The following AUTS2 variants were observed in gnomAD, a reference collection of about 807,000 sequenced individuals.
The protein encoded by AUTS2 is autism susceptibility gene 2 protein.
AUTS2 carries 17 observed loss-of-function variants against 112.4 expected under a neutral mutation model. The observed-to-expected ratio is 0.15, with a 90% CI of 0.10 to 0.23. The LOEUF is 0.23. Ranked by LOEUF, AUTS2 falls within the 10% of genes least tolerant of loss-of-function variation. The pLI is 1.00. For synonymous variants in AUTS2, 751 were observed against 702.7 expected, an observed-to-expected ratio of 1.07 and a Z score of -1.09; for missense variants, 1,510 against 1,701.6, an observed-to-expected ratio of 0.89 and a Z score of 1.98.
chr7:70,156,393 T>TC (rs1807760136), intron 4 of AUTS2, among the ~76,000 whole-genome samples: 1 of 152,168 alleles, frequency 6.6e-6, no homozygotes, highest in Non-Finnish European at 1.5e-5. Context: ...AAGAGAGCTT[T>TC]TCTCTGGGCT....
intron 5 of AUTS2, among the ~76,000 whole-genome samples, chr7:70,529,107 A>T: frequency 6.6e-6 from 1 of 152,196 alleles, no homozygotes; most frequent in East Asian, 1.9e-4. Flanking sequence ...CCACAAACAC[A>T]TGAAAGAGCT....
At chr7:70,338,877 T>TTTAC (rs1231477937) in intron 4 of AUTS2, among the ~76,000 whole-genome samples, 7 of 150,200 alleles carry the variant, frequency 4.7e-5, no homozygotes, top group Non-Finnish European at 1.0e-4. Flanking sequence ...TATTTATTTA[T>TTTAC]TTTGAGACAG....
At chr7:69,697,750 A>G (rs1562818740) in intron 1 of AUTS2, among the ~76,000 whole-genome samples, 1 of 152,162 alleles carries the variant, frequency 6.6e-6, no homozygotes, top group Non-Finnish European at 1.5e-5. Flanking sequence ...TTAAATTACA[A>G]TTTCAGACAC....
At chr7:69,777,345 A>G (rs1788939558) in intron 1 of AUTS2, among the ~76,000 whole-genome samples, 1 of 152,104 alleles carries the variant, frequency 6.6e-6, no homozygotes, top group Non-Finnish European at 1.5e-5. Flanking sequence ...GAATTGTTGT[A>G]TGTATTTCAG....
intron 1 of AUTS2, among the ~76,000 whole-genome samples, chr7:69,650,960 C>G (rs1283733054): frequency 6.6e-6 from 1 of 152,206 alleles, no homozygotes; most frequent in South Asian, 2.1e-4. Flanking sequence ...TCTGCTCTTC[C>G]TCATCTTTAT....
At chr7:69,606,085 A>G (rs1020673360) in intron 1 of AUTS2, among the ~76,000 whole-genome samples, 1 of 152,198 alleles carries the variant, frequency 6.6e-6, no homozygotes, top group African/African-American at 2.4e-5. Flanking sequence ...CCGTGAATTT[A>G]AAAAATGAAT....
At chr7:70,089,178 AG>A (rs1187260577) in intron 2 of AUTS2, among the ~76,000 whole-genome samples, 1 of 152,206 alleles carries the variant, frequency 6.6e-6, no homozygotes, top group Non-Finnish European at 1.5e-5. Flanking sequence ...TTATTAAGAA[AG>A]GGGCATTGAA....
At chr7:69,924,236 T>C (rs950844659) in intron 2 of AUTS2, among the ~76,000 whole-genome samples, 5 of 152,172 alleles carry the variant, frequency 3.3e-5, no homozygotes, top group Non-Finnish European at 5.9e-5. Context: ...TAGTAATACA[T>C]TGATTGGTTT....
chr7:70,060,582 G>A (rs1219184119), intron 2 of AUTS2, among the ~76,000 whole-genome samples: 1 of 152,180 alleles, frequency 6.6e-6, no homozygotes, highest in African/African-American at 2.4e-5. Context: ...CACTTACTTT[G>A]TAATGCACAT....
At chr7:70,228,023 C>T (rs1443341089) in intron 4 of AUTS2, among the ~76,000 whole-genome samples, 1 of 151,384 alleles carries the variant, frequency 6.6e-6, no homozygotes, top group East Asian at 1.9e-4. Context: ...ATATCACAGT[C>T]TCCAGTTATT....
At position 70,190,736 on chromosome 7, in the gene AUTS2, C is replaced by CT. The variant is rs1033394163; in HGVS notation, c.660+56173dup. Among the ~76,000 whole-genome samples, 14 of 152,026 alleles carry CT rather than the reference C, an allele frequency of 9.2e-5. 1 individual carries two copies. The highest frequency in any genetic ancestry group is 6.6e-4 in the Admixed American group (10 of 15,266). The stretch of plus-strand genomic sequence containing the variant: ...TCAATTCTGTTTAACCCAACGTAGA[C>CT]TTTTTTTTATGCTTATAAAGTAATA... On this transcript the variant is annotated intron_variant, in intron 4 of 18. Transcript: ENST00000342771.
chr7:69,987,140 C>G (rs536763752), intron 2 of AUTS2, among the ~76,000 whole-genome samples: 1 of 152,308 alleles, frequency 6.6e-6, no homozygotes, highest in African/African-American at 2.4e-5. Context: ...TGGATTAAGA[C>G]ATTTCACAGC....
At chr7:70,695,901 A>T (rs1809065449) in intron 5 of AUTS2, among the ~76,000 whole-genome samples, 1 of 152,144 alleles carries the variant, frequency 6.6e-6, no homozygotes, top group South Asian at 2.1e-4. Flanking sequence ...GAGCGAGGGG[A>T]TGAAAGGAAG....
intron 6 of AUTS2, among the ~76,000 whole-genome samples, chr7:70,725,948 G>C (rs946245055): frequency 6.6e-6 from 1 of 151,664 alleles, no homozygotes; most frequent in Non-Finnish European, 1.5e-5. Context: ...CTTGAACCTG[G>C]GACATTGAGG....
intron 2 of AUTS2, among the ~76,000 whole-genome samples, chr7:70,045,890 A>G (rs1801483499): frequency 6.7e-6 from 1 of 149,422 alleles, no homozygotes; most frequent in Non-Finnish European, 1.5e-5. Context: ...CCTCCCAAAG[A>G]GCTGGATTAC....
chr7:70,023,202 A>G (rs577452140), intron 2 of AUTS2, among the ~76,000 whole-genome samples: 1 of 152,340 alleles, frequency 6.6e-6, no homozygotes, highest in South Asian at 2.1e-4. Flanking sequence ...TAAGATCATT[A>G]TCACCGATAA....
intron 2 of AUTS2, among the ~76,000 whole-genome samples, chr7:69,906,892 G>A (rs1795170024): frequency 2.0e-5 from 3 of 152,126 alleles, no homozygotes; most frequent in African/African-American, 7.2e-5. Flanking sequence ...GGATTGCTTT[G>A]AGCACAGGAA....
At position 69,821,525 on chromosome 7, in the gene AUTS2, A is replaced by G. The variant is rs116580064; in HGVS notation, c.310-77761A>G. ...AGCAATGCAGCACTGATCCCCTTCCATACTGTGGAAGCTTTGTTCTTTCTC... is the reference window on the plus strand; with the variant it reads ...AGCAATGCAGCACTGATCCCCTTCCGTACTGTGGAAGCTTTGTTCTTTCTC... On this transcript the variant is annotated intron_variant, in intron 1 of 18. Coordinates refer to ENST00000342771, the MANE Select transcript of AUTS2 (RefSeq NM_015570.4). 2.6e-3 allele frequency among the ~76,000 whole-genome samples: 399 copies of G among 152,220 alleles called. 3 individuals are homozygous for G. Among genetic ancestry groups the G allele is most frequent in the African/African-American group, 9.1e-3 (380 of 41,542 alleles).
intron 4 of AUTS2, among the ~76,000 whole-genome samples, chr7:70,162,847 C>G (rs1386569960): frequency 6.6e-6 from 1 of 152,138 alleles, no homozygotes; most frequent in African/African-American, 2.4e-5. Flanking sequence ...TGAAAATGCT[C>G]TCTATATGCT....
Sources: gnomAD v4.1 joint callset for allele counts (sites outside exome capture counted in the v4.1 genomes callset) on GRCh38, gnomAD v4.1.1 for gene constraint, MANE v1.5 for transcripts, NCBI Gene and HGNC (gene_info 2026-07-23, HGNC 2026-07-21) for gene names.